FRMD4B: variants seen among roughly 807,000 people sequenced by gnomAD.
FRMD4B encodes FERM domain-containing protein 4B.
In FRMD4B, 74 loss-of-function variants were observed where a neutral mutation model predicts 141.5. That is an observed-to-expected ratio of 0.52 (90% CI 0.43 to 0.63). The LOEUF (loss-of-function observed/expected upper bound fraction) is 0.63, where lower values mean the gene tolerates loss of function less well. Among genes scored for constraint, FRMD4B ranks in the 30% least tolerant of loss-of-function variants. The probability of loss-of-function intolerance (pLI) is 0.00; values close to 1 mark genes in which losing one functional copy is unlikely to be tolerated. For synonymous variants in FRMD4B, 506 were observed against 467.9 expected (o/e 1.08, Z -1.05); for missense variants, 1,366 against 1,253.4 (o/e 1.09, Z -1.36).
intron 2 of FRMD4B, among the ~76,000 whole-genome samples, chr3:69,426,303 GAAAC>G (rs1388898739): frequency 6.7e-6 from 1 of 149,284 alleles, no homozygotes; most frequent in Non-Finnish European, 1.5e-5. Flanking sequence ...TTGTGGATTT[GAAAC>G]AAACTTTTAA....
Position 69,267,663 on chromosome 3 carries a change from AGAGAGAGAGAGAGAGAGAGAGAGAGAGT to A in FRMD4B, c.502-17592_502-17565del, listed in dbSNP as rs1441313477. On this transcript the variant is annotated intron_variant, in intron 5 of 22. Transcript: ENST00000398540. ...GAGAGAGAGAGAGAGAGAGAGAGAG[AGAGAGAGAGAGAGAGAGAGAGAGAGAGT>A]GTCTGTCTGTCCCCCCAGTCTATCT... 2.7e-4 allele frequency among the ~76,000 whole-genome samples: 38 copies of A among 141,934 alleles called. 1 individual carries two copies. Among genetic ancestry groups the A allele is most frequent in the South Asian group, 1.2e-3 (5 of 4,346 alleles). 93.1% of individuals were successfully genotyped at this position (141,934 alleles called of 152,430 possible).
intron 1 of FRMD4B, among the ~76,000 whole-genome samples, chr3:69,534,108 T>TCAG: frequency 6.6e-6 from 1 of 152,308 alleles, no homozygotes; most frequent in African/African-American, 2.4e-5. Context: ...CCCAAGTGGT[T>TCAG]TGTGTGCACC....
chr3:69,538,759 G>T (rs370537340), intron 1 of FRMD4B, among the ~76,000 whole-genome samples: 18 of 152,164 alleles, frequency 1.2e-4, no homozygotes, highest in African/African-American at 4.1e-4. Context: ...CAAGCATCTA[G>T]CAACAGAAAA....
Position 69,264,127 on chromosome 3 carries a change from T to C in FRMD4B, c.502-14028A>G, listed in dbSNP as rs1009050008. 5.3e-5 allele frequency among the ~76,000 whole-genome samples: 8 copies of C among 152,192 alleles called. 1 individual carries two copies. The highest frequency in any genetic ancestry group is 2.0e-4 in the Admixed American group (3 of 15,276). On this transcript the variant is annotated intron_variant, in intron 5 of 22. Coordinates refer to ENST00000398540, the MANE Select transcript of FRMD4B (RefSeq NM_015123.3). ...TAATTGCTTAGATCCAAGACCTCCA[T>C]TGGCATTACTGGACACAGAGTTGGG...
At chr3:69,383,192 A>G (rs1704160481) in intron 1 of FRMD4B, among the ~76,000 whole-genome samples, 1 of 152,216 alleles carries the variant, frequency 6.6e-6, no homozygotes, top group South Asian at 2.1e-4. Flanking sequence ...ATACATAGGC[A>G]AAGACTGGAT....
intron 22 of FRMD4B, among the ~76,000 whole-genome samples, chr3:69,173,997 T>TGTG (rs767145233): frequency 3.7e-4 from 57 of 152,060 alleles, no homozygotes; most frequent in Non-Finnish European, 6.6e-4. Flanking sequence ...ATTAGCCAGA[T>TGTG]GCGGTGGTAT....
At chr3:69,357,000 G>T (rs1323201525) in intron 1 of FRMD4B, among the ~76,000 whole-genome samples, 1 of 152,156 alleles carries the variant, frequency 6.6e-6, no homozygotes, top group Non-Finnish European at 1.5e-5. Context: ...ATGTCAGTTT[G>T]TGTGAGAAAG....
upstream of FRMD4B, chr3:69,386,110 G>A: frequency 4.4e-6 from 4 of 906,232 alleles, no homozygotes; most frequent in Non-Finnish European, 3.2e-6. Flanking sequence ...GGTCAAGCCT[G>A]CCACCAAACT....
intron 11 of FRMD4B, among the ~76,000 whole-genome samples, chr3:69,201,436 A>C (rs2092966498): frequency 6.6e-6 from 1 of 152,174 alleles, no homozygotes. Flanking sequence ...TCAAAATTAA[A>C]GTAATAAAAG....
chr3:69,268,769 C>T (rs928828667), intron 5 of FRMD4B, among the ~76,000 whole-genome samples: 4 of 151,728 alleles, frequency 2.6e-5, no homozygotes, highest in South Asian at 2.1e-4. Context: ...AATAAATATG[C>T]AGAGATACTT....
chr3:69,401,061 A>G (rs1704555459), intron 2 of FRMD4B, among the ~76,000 whole-genome samples: 1 of 152,256 alleles, frequency 6.6e-6, no homozygotes, highest in Admixed American at 6.5e-5. Context: ...GAAGATAAAT[A>G]ATTAAAATAA....
chr3:69,379,479 A>G (rs1704058662), intron 1 of FRMD4B, among the ~76,000 whole-genome samples: 1 of 152,092 alleles, frequency 6.6e-6, no homozygotes, highest in African/African-American at 2.4e-5. Context: ...GGGTTTCGCC[A>G]TGTTGCCCAG....
At chr3:69,392,384 G>T (rs955938325) in intron 2 of FRMD4B, among the ~76,000 whole-genome samples, 8 of 152,190 alleles carry the variant, frequency 5.3e-5, no homozygotes, top group Non-Finnish European at 8.8e-5. Context: ...GAGTACGGGA[G>T]AATCAGGTGA....
chr3:69,230,392 A>C (rs911480617), intron 7 of FRMD4B, among the ~76,000 whole-genome samples: 1 of 152,204 alleles, frequency 6.6e-6, no homozygotes, highest in Non-Finnish European at 1.5e-5. Context: ...GGAAATTTGC[A>C]TACCCTATAA....
At chr3:69,474,498 G>A (rs770203427) in intron 1 of FRMD4B, among the ~76,000 whole-genome samples, 1 of 152,116 alleles carries the variant, frequency 6.6e-6, no homozygotes, top group African/African-American at 2.4e-5. Flanking sequence ...AAAATCCCCA[G>A]CCCAAAGGAA....
At chr3:69,410,528 A>C (rs183761421) in intron 2 of FRMD4B, among the ~76,000 whole-genome samples, 106 of 151,778 alleles carry the variant, frequency 7.0e-4, no homozygotes, top group Non-Finnish European at 1.3e-3. Context: ...TGTTTCTGGA[A>C]AAGTGCTCCA....
At chr3:69,381,210 T>C (rs1575778628) in intron 1 of FRMD4B, among the ~76,000 whole-genome samples, 1 of 152,248 alleles carries the variant, frequency 6.6e-6, no homozygotes, top group Admixed American at 6.5e-5. Context: ...TAATTATTCA[T>C]GGTTTGTTGG....
chr3:69,190,333 C>G (rs1468812534), intron 17 of FRMD4B, among the ~76,000 whole-genome samples: 1 of 151,862 alleles, frequency 6.6e-6, no homozygotes, highest in Non-Finnish European at 1.5e-5. Flanking sequence ...TTAAATAAAA[C>G]ACATTTGAAT....
At chr3:69,208,270 G>A (rs1035753746) in intron 11 of FRMD4B, among the ~76,000 whole-genome samples, 1 of 152,024 alleles carries the variant, frequency 6.6e-6, no homozygotes, top group African/African-American at 2.4e-5. Context: ...CACCATGTTG[G>A]CCAGGCTGGT....
Sources: gnomAD v4.1 joint callset for allele counts (sites outside exome capture counted in the v4.1 genomes callset) on GRCh38, gnomAD v4.1.1 for gene constraint, MANE v1.5 for transcripts, NCBI Gene and HGNC (gene_info 2026-07-23, HGNC 2026-07-21) for gene names.